Variants in FOXP1 observed in about 807,000 individuals in gnomAD.
FOXP1 encodes the protein forkhead box P1.
In FOXP1, 15 loss-of-function variants were observed where a neutral mutation model predicts 98.2. The observed-to-expected ratio is 0.15, with a 90% CI of 0.10 to 0.24. FOXP1 has a LOEUF of 0.24. Among genes scored for constraint, FOXP1 ranks in the 10% least tolerant of loss-of-function variants. The pLI is 1.00. For synonymous variants in FOXP1, 371 were observed against 314.5 expected (o/e 1.18, Z -1.90); for missense variants, 633 against 848.5 (o/e 0.75, Z 3.15).
At chr3:71,196,081 G>T (rs11706163) in intron 6 of FOXP1, among the ~76,000 whole-genome samples, 1 of 152,124 alleles carries the variant, frequency 6.6e-6, no homozygotes, top group African/African-American at 2.4e-5. Flanking sequence ...AATACAGGGG[G>T]TTTTAGCCAC....
chr3:71,217,343 G>A (rs987688754), intron 5 of FOXP1, among the ~76,000 whole-genome samples: 1 of 152,128 alleles, frequency 6.6e-6, no homozygotes, highest in Non-Finnish European at 1.5e-5. Context: ...AAAGTGCTAG[G>A]ATTACAGGTG....
intron 3 of FOXP1, among the ~76,000 whole-genome samples, chr3:71,367,468 C>T (rs1395686344): frequency 6.6e-6 from 1 of 152,150 alleles, no homozygotes; most frequent in Non-Finnish European, 1.5e-5. Flanking sequence ...TCTGGCCTCC[C>T]GCTTAACTAC....
At chr3:71,444,926 A>G (rs573184555) in intron 3 of FOXP1, among the ~76,000 whole-genome samples, 2 of 152,330 alleles carry the variant, frequency 1.3e-5, no homozygotes, top group Non-Finnish European at 2.9e-5. Context: ...CAAGAAGGAA[A>G]TAAGTCAGTG....
At chr3:70,978,132 C>T (rs893251979) in intron 14 of FOXP1, 103 bp from the exon 15 acceptor site, 4 of 896,462 alleles carry the variant, frequency 4.5e-6, no homozygotes, top group Non-Finnish European at 7.3e-6. Flanking sequence ...GGCACCGTTT[C>T]TTCCTCTATG....
At chr3:71,500,458 C>A (rs1273072332) in intron 2 of FOXP1, among the ~76,000 whole-genome samples, 1 of 152,180 alleles carries the variant, frequency 6.6e-6, no homozygotes, top group East Asian at 1.9e-4. Context: ...CACTTCCCCT[C>A]TTTGGGGATG....
intron 3 of FOXP1, among the ~76,000 whole-genome samples, chr3:71,448,177 C>T (rs577479565): frequency 1.1e-4 from 16 of 152,264 alleles, no homozygotes; most frequent in South Asian, 1.0e-3. Flanking sequence ...TGACAGACAC[C>T]TCCTAGTCTA....
chr3:71,155,943 T>C (rs1411997484), intron 6 of FOXP1, among the ~76,000 whole-genome samples: 3 of 152,158 alleles, frequency 2.0e-5, no homozygotes, highest in African/African-American at 7.2e-5. Context: ...CTTTGGACAA[T>C]CAAGGAAAAC....
At chr3:71,317,728 T>TC (rs938887162) in intron 4 of FOXP1, among the ~76,000 whole-genome samples, 4 of 151,576 alleles carry the variant, frequency 2.6e-5, no homozygotes, top group East Asian at 3.9e-4. Context: ...TTGGTACCTG[T>TC]CCCCCCCACA....
At chr3:71,125,120 A>G (rs568314564) in intron 6 of FOXP1, among the ~76,000 whole-genome samples, 2 of 152,246 alleles carry the variant, frequency 1.3e-5, no homozygotes, top group Non-Finnish European at 1.5e-5. Flanking sequence ...CCAATTCTCA[A>G]TGCAGGAATG....
chr3:71,445,035 A>G (rs931832589), intron 3 of FOXP1, among the ~76,000 whole-genome samples: 1 of 152,196 alleles, frequency 6.6e-6, no homozygotes, highest in African/African-American at 2.4e-5. Flanking sequence ...TTTCATTTCA[A>G]TAACAGCAAT....
At chr3:71,538,369 C>T (rs1325899327) in intron 2 of FOXP1, among the ~76,000 whole-genome samples, 11 of 152,200 alleles carry the variant, frequency 7.2e-5, no homozygotes, top group Non-Finnish European at 1.5e-5. Flanking sequence ...TACTTTGTGT[C>T]TTAATGGATT....
chr3:71,083,526 T>C (rs1559893280), intron 7 of FOXP1, among the ~76,000 whole-genome samples: 1 of 152,208 alleles, frequency 6.6e-6, no homozygotes, highest in Admixed American at 6.5e-5. Flanking sequence ...TATAGATAAG[T>C]GACCCAAGTC....
chr3:71,154,046 C>T (rs950101829), intron 6 of FOXP1, among the ~76,000 whole-genome samples: 2 of 152,070 alleles, frequency 1.3e-5, no homozygotes, highest in African/African-American at 2.4e-5. Flanking sequence ...TCTCATATAA[C>T]TCTATGGAAT....
At chr3:71,054,986 C>T (rs1251723180) in intron 7 of FOXP1, among the ~76,000 whole-genome samples, 1 of 151,794 alleles carries the variant, frequency 6.6e-6, no homozygotes, top group Non-Finnish European at 1.5e-5. Flanking sequence ...AAAAAAAAAT[C>T]CGGCAGACAA....
At chr3:70,989,323 C>A (rs2040249556) in intron 13 of FOXP1, among the ~76,000 whole-genome samples, 1 of 151,406 alleles carries the variant, frequency 6.6e-6, no homozygotes. Context: ...TTTTTATTCC[C>A]TTGTGGTTCA....
At chr3:70,962,934 CACA>C (rs945500160) in intron 20 of FOXP1, among the ~76,000 whole-genome samples, 2 of 152,262 alleles carry the variant, frequency 1.3e-5, no homozygotes, top group African/African-American at 4.8e-5. Flanking sequence ...AAACACAGTT[CACA>C]ACATCAGAGA....
intron 10 of FOXP1, among the ~76,000 whole-genome samples, chr3:71,043,753 C>T (rs1474476100): frequency 2.0e-5 from 3 of 152,152 alleles, no homozygotes; most frequent in South Asian, 4.1e-4. Flanking sequence ...TGTTAACTCC[C>T]GCTTTCTCTC....
intron 11 of FOXP1, among the ~76,000 whole-genome samples, chr3:71,033,775 A>T (rs1288013386): frequency 3.9e-5 from 6 of 152,070 alleles, no homozygotes; most frequent in Admixed American, 3.9e-4. Context: ...AAGTCCCAAA[A>T]GTGATTGGTT....
chr3:71,551,136 G>C (rs1439547532), intron 2 of FOXP1, among the ~76,000 whole-genome samples: 1 of 152,192 alleles, frequency 6.6e-6, no homozygotes, highest in African/African-American at 2.4e-5. Context: ...CTTTAGTGTT[G>C]AGTTTGGTGT....
Sources: allele counts gnomAD v4.1 joint callset (sites outside exome capture counted in the v4.1 genomes callset), GRCh38; gene constraint gnomAD v4.1.1; transcripts MANE v1.5; gene names NCBI Gene and HGNC (gene_info 2026-07-23, HGNC 2026-07-21).